IL1RAPL2: variants seen among roughly 807,000 people sequenced by gnomAD.
IL1RAPL2 encodes the protein X-linked interleukin-1 receptor accessory protein-like 2.
Under a neutral mutation model 44.1 loss-of-function variants are expected in IL1RAPL2, and 3 were observed. That is an observed-to-expected ratio of 0.07 (90% CI 0.03 to 0.18). IL1RAPL2 has a LOEUF of 0.18. IL1RAPL2 is among the 10% of genes least tolerant of loss of function. IL1RAPL2 has a pLI of 1.00. For synonymous variants in IL1RAPL2, 181 were observed against 178.8 expected, an observed-to-expected ratio of 1.01 and a Z score of -0.10; for missense variants, 391 against 496.4, an observed-to-expected ratio of 0.79 and a Z score of 2.02.
chrX:105,580,995 G>A (rs2037085582), intron 6 of IL1RAPL2, among the ~76,000 whole-genome samples: 4 of 111,039 alleles, frequency 3.6e-5, no homozygotes. Flanking sequence ...TTTTTGTTCA[G>A]ACTAATATCT....
intron 2 of IL1RAPL2, among the ~76,000 whole-genome samples, chrX:104,918,881 T>C (rs960534595): frequency 1.8e-5 from 2 of 111,689 alleles, no homozygotes; most frequent in Non-Finnish European, 3.8e-5. Context: ...TGATGTCCTT[T>C]GAACAAGATA....
chrX:105,545,816 CT>C (rs2036791616), intron 6 of IL1RAPL2, among the ~76,000 whole-genome samples: 1 of 111,386 alleles, frequency 9.0e-6, no homozygotes, highest in African/African-American at 3.3e-5. Flanking sequence ...ACTTTACTTT[CT>C]TCTGGGCCCT....
chrX:105,444,369 T>TACCAA, intron 5 of IL1RAPL2, among the ~76,000 whole-genome samples: 1 of 111,573 alleles, frequency 9.0e-6, no homozygotes, highest in Middle Eastern at 4.6e-3. Context: ...TGTTCATTTT[T>TACCAA]GCGTTGGTTC....
chrX:104,950,911 G>A (rs965982905), intron 2 of IL1RAPL2, among the ~76,000 whole-genome samples: 1 of 111,177 alleles, frequency 9.0e-6, no homozygotes, highest in African/African-American at 3.3e-5. Flanking sequence ...TTTGAAAAGC[G>A]CAGTATTTGG....
intron 2 of IL1RAPL2, among the ~76,000 whole-genome samples, chrX:104,976,419 T>G (rs1439828970): frequency 8.9e-6 from 1 of 111,837 alleles, no homozygotes; most frequent in Non-Finnish European, 1.9e-5. Flanking sequence ...TATTTGCCAG[T>G]GAATGAAATA....
intron 2 of IL1RAPL2, among the ~76,000 whole-genome samples, chrX:104,807,634 C>A (rs950974559): frequency 9.0e-6 from 1 of 111,605 alleles, no homozygotes; most frequent in Non-Finnish European, 1.9e-5. Flanking sequence ...CAGACGATCA[C>A]GGTTAACTCT....
chrX:105,638,364 A>C (rs2037540086), intron 6 of IL1RAPL2, among the ~76,000 whole-genome samples: 2 of 110,888 alleles, frequency 1.8e-5, no homozygotes, highest in South Asian at 7.7e-4. Context: ...ATTAAAGACA[A>C]TTTGAAGGGG....
At position 104,866,591 on chromosome X, in the gene IL1RAPL2, C is replaced by A. The variant is rs372755973; in HGVS notation, c.82+207596C>A. Among the ~76,000 whole-genome samples the A allele has an allele frequency of 5.4e-5, 6 of 111,836 alleles. No individual in the cohort carries two copies. The East Asian group carries it at 1.7e-3, about 31-fold the overall frequency. On this transcript the variant is annotated intron_variant, in intron 2 of 10. Transcript: ENST00000372582. ...AGTAGTTGCCACAGGACCTTACAGT[C>A]TGGAAAGCCTAAAATATTTTCTCTC...
At position 104,843,837 on chromosome X, in the gene IL1RAPL2, C is replaced by T. The variant is rs188098976; in HGVS notation, c.82+184842C>T. Among the ~76,000 whole-genome samples, 176 of 110,505 alleles carry T rather than the reference C, an allele frequency of 1.6e-3. 1 individual carries two copies. The highest frequency in any genetic ancestry group is 5.7e-3 in the African/African-American group (173 of 30,419). On this transcript the variant is annotated intron_variant, in intron 2 of 10. Coordinates refer to ENST00000372582, the MANE Select transcript of IL1RAPL2 (RefSeq NM_017416.2). ...GCTGCAGACCAGAGCTGTTTCTATT[C>T]GGCCATCTTGGCTCCTTCCAAACAT...
intron 6 of IL1RAPL2, among the ~76,000 whole-genome samples, chrX:105,558,703 T>G (rs2036912770): frequency 8.9e-6 from 1 of 112,253 alleles, no homozygotes; most frequent in Admixed American, 9.5e-5. Context: ...AAATTAAAAT[T>G]TTCCTTGCAA....
chrX:105,711,709 T>C (rs2147548777), intron 6 of IL1RAPL2, among the ~76,000 whole-genome samples: 1 of 111,685 alleles, frequency 9.0e-6, no homozygotes, highest in South Asian at 3.8e-4. Context: ...TAAGGTATGA[T>C]GCATCCTGGG....
At chrX:105,272,052 T>C (rs891418616) in intron 5 of IL1RAPL2, among the ~76,000 whole-genome samples, 7 of 102,727 alleles carry the variant, frequency 6.8e-5, no homozygotes, top group Non-Finnish European at 9.8e-5. Context: ...AAACACCGCA[T>C]ATTCTCACTC....
chrX:105,317,394 A>C (rs1015819738), intron 5 of IL1RAPL2, among the ~76,000 whole-genome samples: 1 of 112,160 alleles, frequency 8.9e-6, no homozygotes, highest in Non-Finnish European at 1.9e-5. Context: ...AGTTTATCTT[A>C]AAGCCCTCAG....
At chrX:104,699,889 G>A (rs1302612523) in intron 2 of IL1RAPL2, among the ~76,000 whole-genome samples, 3 of 111,326 alleles carry the variant, frequency 2.7e-5, no homozygotes, top group Non-Finnish European at 5.6e-5. Context: ...CCAGATTGTG[G>A]GAAGAGGGAT....
intron 2 of IL1RAPL2, among the ~76,000 whole-genome samples, chrX:104,774,707 C>T (rs1757476961): frequency 9.0e-6 from 1 of 111,581 alleles, no homozygotes; most frequent in African/African-American, 3.3e-5. Context: ...GTGGTGGGAT[C>T]GAGGCTGCAA....
At chrX:105,353,860 C>T (rs2035178269) in intron 5 of IL1RAPL2, among the ~76,000 whole-genome samples, 1 of 111,478 alleles carries the variant, frequency 9.0e-6, no homozygotes, top group Admixed American at 9.6e-5. Flanking sequence ...TCTAGATACA[C>T]AATCATGTCA....
At chrX:105,753,856 A>G (rs908841813) in intron 9 of IL1RAPL2, among the ~76,000 whole-genome samples, 2 of 111,644 alleles carry the variant, frequency 1.8e-5, no homozygotes, top group African/African-American at 6.5e-5. Context: ...CTTTTGTTTC[A>G]GAGTGGTGAA....
At chrX:104,733,332 C>G (rs1021325372) in intron 2 of IL1RAPL2, among the ~76,000 whole-genome samples, 2 of 111,152 alleles carry the variant, frequency 1.8e-5, no homozygotes, top group African/African-American at 6.5e-5. Flanking sequence ...TGGCACACAC[C>G]TGTAATCCCA....
intron 5 of IL1RAPL2, among the ~76,000 whole-genome samples, chrX:105,469,833 A>T (rs1012995449): frequency 1.8e-5 from 2 of 111,362 alleles, no homozygotes; most frequent in East Asian, 5.7e-4. Flanking sequence ...TATATACCCC[A>T]TACATAAAGT....
Sources: allele counts gnomAD v4.1 joint callset (sites outside exome capture counted in the v4.1 genomes callset), GRCh38; gene constraint gnomAD v4.1.1; transcripts MANE v1.5; gene names NCBI Gene and HGNC (gene_info 2026-07-23, HGNC 2026-07-21).